Variants in CLCN7 observed in about 807,000 individuals in gnomAD.
CLCN7 encodes the protein H(+)/Cl(-) exchange transporter 7.
CLCN7 carries 60 observed loss-of-function variants against 102.1 expected under a neutral mutation model. The ratio of observed to expected loss-of-function variants is 0.59; its 90% confidence interval spans 0.48 to 0.73. CLCN7 has a LOEUF of 0.73. Ranked by LOEUF, CLCN7 falls within the 30% of genes least tolerant of loss-of-function variation. CLCN7 has a pLI of 0.00. For missense variants in CLCN7, 962 were observed against 1,125.7 expected (o/e 0.85, Z 2.08); for synonymous variants, 560 against 490.5 (o/e 1.14, Z -1.87).
intron 1 of CLCN7, among the ~76,000 whole-genome samples, chr16:1,473,802 G>A (rs1465961841): frequency 2.6e-5 from 4 of 152,098 alleles, no homozygotes; most frequent in Admixed American, 6.5e-5. Flanking sequence ...AACACAATAC[G>A]GCCAGGCGCA....
intron 13 of CLCN7, 96 bp from the exon 14 acceptor site, chr16:1,453,990 C>T: frequency 7.9e-7 from 1 of 1,265,236 alleles, no homozygotes; most frequent in South Asian, 1.2e-5. Context: ...GGAGGGTTTG[C>T]AGAGGGAAGG....
At chr16:1,464,887 T>G (rs1357740000) in intron 2 of CLCN7, among the ~76,000 whole-genome samples, 2 of 152,120 alleles carry the variant, frequency 1.3e-5, no homozygotes, top group African/African-American at 2.4e-5. Flanking sequence ...GGGCAGCCAC[T>G]GGCACGGGAA....
intron 17 of CLCN7, chr16:1,450,120 A>G (rs1256502172): frequency 6.3e-6 from 2 of 319,910 alleles, no homozygotes; most frequent in Non-Finnish European, 1.2e-5. Context: ...AGGGCAGTGT[A>G]TGCCGCTCTG....
rs1018009699 is a variant in CLCN7 at position 1,450,633 on chromosome 16, G to A, written c.1481C>T (p.Thr494Met). The change falls in exon 17 of 25, where the codon ACG (threonine) becomes ATG (methionine). Residue 494 changes from threonine (T) to methionine (M), a missense_variant. Thr to Met is a moderately conservative substitution (Grantham distance 81, BLOSUM62 -1). This residue lies in a region of CLCN7 where 799 missense variants were observed against 988.0 expected (regional missense o/e 0.81). Transcript: ENST00000382745. ...SYNPLTLGLF[T>M]LVYFFLACWT... ...GCAGGCCAGGAAGAAGTAGACCAGC[G>A]TGAACAGGCCGAGGGTCAGGGGGTT... 25 of 1,612,404 alleles carry A rather than the reference G, an allele frequency of 1.6e-5. No individual in the cohort carries two copies. The highest frequency in any genetic ancestry group is 1.6e-4 in the Middle Eastern group (1 of 6,082).
At chr16:1,452,305 C>T (rs1299395844) in intron 15 of CLCN7, 12 of 244,026 alleles carry the variant, frequency 4.9e-5, no homozygotes, top group South Asian at 3.3e-4. Flanking sequence ...AATGGGGCTA[C>T]GTCGCGTGAC....
chr16:1,448,245 T>G, intron 21 of CLCN7, 110 bp downstream of exon 21: 1 of 1,438,304 alleles, frequency 7.0e-7, no homozygotes, highest in Admixed American at 1.8e-5. Context: ...GAACTGCCAG[T>G]GCACCCAAAC....
chr16:1,446,521 A>G lies in CLCN7; in HGVS notation c.*110T>C, dbSNP rs1387192196. The G allele has an allele frequency of 2.9e-6, 3 of 1,020,940 alleles. No individual in the cohort carries two copies. Among genetic ancestry groups the G allele is most frequent in the East Asian group, 5.2e-5 (2 of 38,570 alleles). The allele number at this position is 1,020,940 out of a possible 1,614,324, so 63.2% of individuals were successfully genotyped here. A position where few individuals can be genotyped will look rare whatever the true frequency, so the allele number is the denominator to read the frequency against. On this transcript the variant is annotated 3_prime_UTR_variant, in exon 25 of 25. Transcript: ENST00000382745. Reference sequence around the variant, plus strand: ...CCCGCCCAGCTGCAGGGTGCTCGCCATTGCCACTGCTGGGGAGCATGGTTT... The same window carrying G: ...CCCGCCCAGCTGCAGGGTGCTCGCCGTTGCCACTGCTGGGGAGCATGGTTT...
Position 1,457,149 on chromosome 16 carries a change from T to C in CLCN7, c.822+105A>G. On this transcript the variant is annotated intron_variant, in intron 9 of 24. Transcript: ENST00000382745. This position sits in a 1 kb window ranked among gnomAD's most constrained non-coding sequence, Gnocchi z 5.4. ...CCGCCAGGCTGTCCTCAGATGGGGC[T>C]GGGGCTCTCGGCCTGGGGGTGCTGA... is the stretch of plus-strand genomic sequence containing the variant. The C allele has an allele frequency of 9.2e-7, 1 of 1,087,324 alleles. No individual in the cohort carries two copies. Among genetic ancestry groups the C allele is most frequent in the Non-Finnish European group, 1.4e-6 (1 of 709,224 alleles). The allele number at this position is 1,087,324 out of a possible 1,614,324, so 67.4% of individuals were successfully genotyped here. A position where few individuals can be genotyped will look rare whatever the true frequency, so the allele number is the denominator to read the frequency against.
chr16:1,454,078 C>T (rs2038796415), intron 13 of CLCN7, among the ~76,000 whole-genome samples, 184 bp from the exon 14 acceptor site: 2 of 152,244 alleles, frequency 1.3e-5, no homozygotes, highest in South Asian at 2.1e-4. Context: ...GGAGCTGTTT[C>T]TCAAAGGCTC....
intron 14 of CLCN7, among the ~76,000 whole-genome samples, chr16:1,453,276 G>GTGC (rs1420464260): frequency 6.6e-6 from 1 of 152,134 alleles, no homozygotes; most frequent in Non-Finnish European, 1.5e-5. Flanking sequence ...GCCTCCCAAA[G>GTGC]TGCTGGGATT....
At chr16:1,471,047 A>G (rs1227476447) in intron 1 of CLCN7, among the ~76,000 whole-genome samples, 1 of 152,118 alleles carries the variant, frequency 6.6e-6, no homozygotes, top group African/African-American at 2.4e-5. Context: ...CCCTGTCCCA[A>G]CACCACCAGA....
intron 17 of CLCN7, chr16:1,449,613 C>G (rs2038710793): frequency 1.9e-6 from 1 of 522,334 alleles, no homozygotes; most frequent in Admixed American, 3.4e-5. Context: ...CTAGGGAGCA[C>G]CGTCCAGCAT....
At chr16:1,452,938 G>A (rs375806532) in intron 14 of CLCN7, 45 bp from the exon 15 acceptor site, 27 of 1,552,086 alleles carry the variant, frequency 1.7e-5, no homozygotes, top group Middle Eastern at 1.7e-4. Context: ...ACGGCAGCGC[G>A]GCCCCTCCGC....
chr16:1,454,354 C>T (rs1025502188), intron 13 of CLCN7, 57 bp downstream of exon 13: 22 of 1,560,422 alleles, frequency 1.4e-5, no homozygotes, highest in Non-Finnish European at 1.7e-5. Flanking sequence ...TCTATGGCCA[C>T]GTCACAGCTG....
intron 15 of CLCN7, chr16:1,452,008 C>T (rs1451742046): frequency 7.2e-6 from 3 of 415,788 alleles, no homozygotes; most frequent in African/African-American, 2.0e-5. Context: ...GAGACGCTGT[C>T]CATCCCTGGT....
rs980695732 is a variant in CLCN7 at position 1,457,570 on chromosome 16, C to G, written c.738+124G>C. 1 of 839,312 alleles carries G rather than the reference C, an allele frequency of 1.2e-6. No individual in the cohort carries two copies. Among genetic ancestry groups the G allele is most frequent in the African/African-American group, 1.7e-5 (1 of 59,890 alleles). The allele number at this position is 839,312 out of a possible 1,614,324, so 52.0% of individuals were successfully genotyped here. ...CCAGAAGGACCGGTGCTCAGAGACA[C>G]GCGTGACGCGGCCCTTCCTGGAGAC... On this transcript the variant is annotated intron_variant, in intron 8 of 24. Transcript: ENST00000382745. This position sits in a 1 kb window ranked among gnomAD's most constrained non-coding sequence, Gnocchi z 5.4.
chr16:1,451,818 G>A (rs1402701034), intron 15 of CLCN7, 102 bp from the exon 16 acceptor site: 1 of 942,762 alleles, frequency 1.1e-6, no homozygotes, highest in Non-Finnish European at 1.7e-6. Flanking sequence ...CCTGTGCCTG[G>A]CCAGCATCAG....
rs1362834202 is a variant in CLCN7 at position 1,460,924 on chromosome 16, G to A, written c.376C>T (p.Arg126Cys). 3 of 1,613,648 alleles carry A rather than the reference G, an allele frequency of 1.9e-6. No homozygotes were observed. The highest frequency in any genetic ancestry group is 2.2e-5 in the East Asian group (1 of 44,888). ...HTAFRTVEIKRWVICALIGIL... is the reference protein window; with the variant it reads ...HTAFRTVEIKCWVICALIGIL... ...CCAATGAGGGCGCAGATGACCCAGC[G>A]CTTGATCTCCACCGTCCGGAAGGCC... is the stretch of plus-strand genomic sequence containing the variant. The change falls in exon 5 of 25, where the codon CGC (arginine) becomes TGC (cysteine). Residue 126 changes from arginine to cysteine, a missense_variant. Arg to Cys is a radical substitution (Grantham distance 180). Transcript: ENST00000382745.
intron 20 of CLCN7, 55 bp downstream of exon 20, chr16:1,448,626 G>A: frequency 1.2e-6 from 2 of 1,606,362 alleles, no homozygotes; most frequent in East Asian, 2.2e-5. Context: ...CTGCCCCTGT[G>A]CAACAAGAGG....
Sources: allele counts gnomAD v4.1 joint callset (sites outside exome capture counted in the v4.1 genomes callset), GRCh38; gene constraint gnomAD v4.1.1; regional missense constraint gnomAD v4.1.1; non-coding constraint Gnocchi (gnomAD v3.1); transcripts MANE v1.5; gene names NCBI Gene and HGNC (gene_info 2026-07-23, HGNC 2026-07-21).